Variants in NR6A1 observed in about 807,000 individuals in gnomAD.
The protein encoded by NR6A1 is nuclear receptor subfamily 6 group A member 1.
A neutral mutation model predicts 59.1 loss-of-function variants in NR6A1; 7 were observed. That is an observed-to-expected ratio of 0.12 (90% CI 0.07 to 0.22). The LOEUF (loss-of-function observed/expected upper bound fraction) is 0.22, where lower values mean the gene tolerates loss of function less well. Ranked by LOEUF, NR6A1 falls within the 10% of genes least tolerant of loss-of-function variation. NR6A1 has a pLI of 1.00. For synonymous variants in NR6A1, 243 were observed against 236.1 expected (o/e 1.03, Z -0.27); for missense variants, 468 against 611.6 (o/e 0.77, Z 2.48).
chr9:124,584,942 A>C (rs1012170098), intron 2 of NR6A1, among the ~76,000 whole-genome samples: 3 of 152,358 alleles, frequency 2.0e-5, no homozygotes, highest in Non-Finnish European at 4.4e-5. Context: ...GCAAAGGAAA[A>C]GTTCTTGAAG....
At chr9:124,688,606 C>T (rs936316904) in intron 2 of NR6A1, among the ~76,000 whole-genome samples, 1 of 152,182 alleles carries the variant, frequency 6.6e-6, no homozygotes, top group East Asian at 1.9e-4. Flanking sequence ...AGAGTATTCA[C>T]TGCTACTGGC....
Position 124,595,833 on chromosome 9 carries a change from T to C in NR6A1, c.143-41263A>G, listed in dbSNP as rs151107989. Reference sequence around the variant, plus strand: ...GAAGAAACAGAGATTACAGGACAAGTCCAGCTTGATGACTACCCTTCCGAC... The same window carrying C: ...GAAGAAACAGAGATTACAGGACAAGCCCAGCTTGATGACTACCCTTCCGAC... On this transcript the variant is annotated intron_variant, in intron 2 of 9. Transcript: ENST00000487099. 8.1e-5 allele frequency: 104 copies of C among 1,289,478 alleles called. No individual in the cohort carries two copies. In the African/African-American group the frequency reaches 1.5e-3, roughly 18 times the overall value. The allele number at this position is 1,289,478 out of a possible 1,614,324, so 79.9% of individuals were successfully genotyped here. A position where few individuals can be genotyped will look rare whatever the true frequency, so the allele number is the denominator to read the frequency against.
chr9:124,583,960 T>A (rs1245527854), intron 2 of NR6A1, among the ~76,000 whole-genome samples: 1 of 152,164 alleles, frequency 6.6e-6, no homozygotes, highest in African/African-American at 2.4e-5. Context: ...CTTGGGTATA[T>A]CACAGGGCAG....
chr9:124,533,745 G>A (rs1196168518), intron 7 of NR6A1, among the ~76,000 whole-genome samples: 1 of 151,964 alleles, frequency 6.6e-6, no homozygotes, highest in Non-Finnish European at 1.5e-5. Context: ...CACCTCCCTG[G>A]GTTCACGCCA....
chr9:124,738,627 G>A (rs767759885), intron 1 of NR6A1, among the ~76,000 whole-genome samples: 3 of 152,070 alleles, frequency 2.0e-5, no homozygotes, highest in Admixed American at 6.6e-5. Flanking sequence ...CCAGCATTTG[G>A]GGAGGCTGAG....
chr9:124,613,364 A>G (rs1047611799), intron 2 of NR6A1, among the ~76,000 whole-genome samples: 46 of 152,086 alleles, frequency 3.0e-4, no homozygotes, highest in African/African-American at 1.1e-3. Flanking sequence ...ATTAAAATTA[A>G]GGCCTGGTGT....
intron 2 of NR6A1, among the ~76,000 whole-genome samples, chr9:124,728,731 A>C (rs1839800167): frequency 6.6e-6 from 1 of 151,970 alleles, no homozygotes; most frequent in Non-Finnish European, 1.5e-5. Flanking sequence ...CCTCAAACTT[A>C]ATGTTTTTAC....
At chr9:124,582,366 G>A (rs1834797867) in intron 2 of NR6A1, among the ~76,000 whole-genome samples, 1 of 152,152 alleles carries the variant, frequency 6.6e-6, no homozygotes, top group South Asian at 2.1e-4. Flanking sequence ...GCTAAATGAT[G>A]AGAACACACG....
At chr9:124,554,698 C>T (rs1588662343) in intron 2 of NR6A1, 128 bp from the exon 3 acceptor site, 4 of 1,169,666 alleles carry the variant, frequency 3.4e-6, no homozygotes, top group Middle Eastern at 2.1e-4. Flanking sequence ...AACAGGGGGC[C>T]CATCTTCGGA....
rs1393089900 is a variant in NR6A1 at position 124,554,352 on chromosome 9, G to A, written c.361C>T (p.Leu121Phe). The part of the protein sequence containing the change: ...RCQYCRLLKC[L>F]QMGMNRKAIR... ...CCCTTCCGGTTCATCCCCATCTGGA[G>A]GCATTTGAGCAGGCGGCAGTACTGG... is the stretch of plus-strand genomic sequence containing the variant. The change falls in exon 3 of 10, where the codon CTC becomes TTC. Residue 121 changes from leucine (L) to phenylalanine (F), a missense_variant. Leu to Phe is a conservative substitution (Grantham distance 22, BLOSUM62 0). Around this residue, in one of 4 missense-constraint regions of NR6A1, gnomAD observed 66 missense variants for 139.2 expected, o/e 0.47. Transcript: ENST00000487099. The A allele has an allele frequency of 1.2e-6, 2 of 1,614,192 alleles. No homozygotes were observed. The highest frequency in any genetic ancestry group is 1.1e-5 in the South Asian group (1 of 91,080).
At chr9:124,585,081 A>C (rs768888852) in intron 2 of NR6A1, among the ~76,000 whole-genome samples, 1 of 152,210 alleles carries the variant, frequency 6.6e-6, no homozygotes, top group African/African-American at 2.4e-5. Flanking sequence ...TGGAAAGGCA[A>C]ACCAATCACA....
chr9:124,703,292 A>G (rs1357814684), intron 2 of NR6A1, among the ~76,000 whole-genome samples: 3 of 142,998 alleles, frequency 2.1e-5, no homozygotes, highest in African/African-American at 7.9e-5. Context: ...AGCGTACTGC[A>G]TTCTCAAACT....
At chr9:124,664,248 G>A (rs967821413) in intron 2 of NR6A1, among the ~76,000 whole-genome samples, 13 of 152,218 alleles carry the variant, frequency 8.5e-5, no homozygotes, top group African/African-American at 3.1e-4. Context: ...ACCTTTTGGA[G>A]GACATAAGGC....
chr9:124,623,949 T>C (rs897073347), intron 2 of NR6A1, among the ~76,000 whole-genome samples: 1 of 152,228 alleles, frequency 6.6e-6, no homozygotes, highest in Non-Finnish European at 1.5e-5. Flanking sequence ...CAGTGTTAAC[T>C]GTTTTACATG....
At chr9:124,770,407 G>C (rs915706112) in intron 1 of NR6A1, 6 of 152,536 alleles carry the variant, frequency 3.9e-5, no homozygotes, top group African/African-American at 7.3e-5. Context: ...GGGGCTCGTA[G>C]TATTCAAGGA....
At chr9:124,758,778 A>C (rs552127179) in intron 1 of NR6A1, among the ~76,000 whole-genome samples, 5 of 152,348 alleles carry the variant, frequency 3.3e-5, no homozygotes, top group Admixed American at 2.0e-4. Flanking sequence ...ATATTCTCAG[A>C]GGGATGATTG....
chr9:124,760,320 T>A (rs547016851), intron 1 of NR6A1, among the ~76,000 whole-genome samples: 2 of 150,872 alleles, frequency 1.3e-5, no homozygotes, highest in South Asian at 2.1e-4. Flanking sequence ...TAAAAAAAAA[T>A]AAATAAATAA....
At chr9:124,646,765 T>C (rs1017199839) in intron 2 of NR6A1, among the ~76,000 whole-genome samples, 3 of 152,230 alleles carry the variant, frequency 2.0e-5, no homozygotes, top group African/African-American at 7.2e-5. Context: ...TTGGACAGGC[T>C]TGACCTAGAT....
intron 2 of NR6A1, among the ~76,000 whole-genome samples, chr9:124,704,746 T>C (rs1839073181): frequency 6.6e-6 from 1 of 151,840 alleles, no homozygotes; most frequent in Non-Finnish European, 1.5e-5. Flanking sequence ...AAAATTTTTG[T>C]GTGTGGGGGG....
Sources: allele counts gnomAD v4.1 joint callset (sites outside exome capture counted in the v4.1 genomes callset), GRCh38; gene constraint gnomAD v4.1.1; regional missense constraint gnomAD v4.1.1; transcripts MANE v1.5; gene names NCBI Gene and HGNC (gene_info 2026-07-23, HGNC 2026-07-21).